EHMT1: variants seen among roughly 807,000 people sequenced by gnomAD.
EHMT1 encodes histone-lysine N-methyltransferase EHMT1.
Under a neutral mutation model 147.2 loss-of-function variants are expected in EHMT1, and 15 were observed. That is an observed-to-expected ratio of 0.10 (90% CI 0.07 to 0.16). The LOEUF (loss-of-function observed/expected upper bound fraction) is 0.16, where lower values mean the gene tolerates loss of function less well. Ranked by LOEUF, EHMT1 falls within the 10% of genes least tolerant of loss-of-function variation. The pLI, the probability that EHMT1 is intolerant of heterozygous loss-of-function variation, is 1.00. For synonymous variants in EHMT1, 795 were observed against 709.6 expected, an observed-to-expected ratio of 1.12 and a Z score of -1.91; for missense variants, 1,587 against 1,772.4, an observed-to-expected ratio of 0.90 and a Z score of 1.88.
chr9:137,641,603 C>T (rs1844491212), intron 1 of EHMT1: 2 of 277,442 alleles, frequency 7.2e-6, no homozygotes, highest in East Asian at 1.2e-4. Flanking sequence ...GCTTGCCGCT[C>T]ACTTGCTAAG....
At chr9:137,679,008 CA>C (rs1172859983) in intron 1 of EHMT1, among the ~76,000 whole-genome samples, 1 of 152,120 alleles carries the variant, frequency 6.6e-6, no homozygotes, top group Non-Finnish European at 1.5e-5. Context: ...GGCTGGAGTG[CA>C]ATGGCGCGAT....
chr9:137,630,455 C>T (rs1843555544), intron 1 of EHMT1, among the ~76,000 whole-genome samples: 1 of 152,020 alleles, frequency 6.6e-6, no homozygotes, highest in African/African-American at 2.4e-5. Flanking sequence ...AACACATAGT[C>T]TAGGTCTTAA....
chr9:137,822,873 A>G lies in EHMT1; in HGVS notation c.3540+4735A>G, dbSNP rs113478309. On this transcript the variant is annotated intron_variant, in intron 25 of 26. Transcript: ENST00000460843. ...ATGCCATTGCACTGTAGGCCTGGGC[A>G]ACAAGAGCAAAACTTCATCTCGAAA... Among the ~76,000 whole-genome samples the G allele has an allele frequency of 7.2e-3, 1,085 of 151,566 alleles. 11 individuals are homozygous for G. The highest frequency in any genetic ancestry group is 9.1e-3 in the Non-Finnish European group (618 of 67,918).
chr9:137,823,877 T>C (rs1006108923), intron 25 of EHMT1, among the ~76,000 whole-genome samples: 3 of 152,258 alleles, frequency 2.0e-5, no homozygotes, highest in African/African-American at 7.2e-5. Context: ...GTTTTTTAAT[T>C]GGCTGCTTGT....
At chr9:137,799,770 T>C (rs1953293274) in intron 17 of EHMT1, among the ~76,000 whole-genome samples, 1 of 152,214 alleles carries the variant, frequency 6.6e-6, no homozygotes, top group South Asian at 2.1e-4. Flanking sequence ...AGCGTCCCCA[T>C]GGGCTGGAAG....
intron 25 of EHMT1, among the ~76,000 whole-genome samples, chr9:137,827,469 C>T (rs1955886912): frequency 6.6e-6 from 1 of 152,228 alleles, no homozygotes; most frequent in South Asian, 2.1e-4. Flanking sequence ...GACCCCTGTC[C>T]ACCTGAGCGC....
intron 10 of EHMT1, chr9:137,763,989 C>G (rs919618881): frequency 4.6e-5 from 7 of 152,606 alleles, no homozygotes; most frequent in African/African-American, 1.7e-4. Context: ...GTTGGCGTGG[C>G]CGGGGTTTCT....
rs374867415 is a variant in EHMT1, at chr9:137,798,830, G to A, written c.2523G>A (p.Thr841=). ...LVDPKDAEGS[T]CLHLAAKKGH... ...TGTTGCAGGACGCAGAGGGCTCTAC[G>A]TGTTTGCACCTGGCTGCCAAGAAAG... Residue 841 remains threonine, a synonymous_variant, in exon 17 of 27, where the codon ACG becomes ACA. Coordinates refer to ENST00000460843, the MANE Select transcript of EHMT1 (RefSeq NM_024757.5). 2.0e-5 allele frequency: 32 copies of A among 1,614,040 alleles called. No individual in the cohort carries two copies. The African/African-American group carries it at 3.1e-4, about 15-fold the overall frequency.
intron 1 of EHMT1, among the ~76,000 whole-genome samples, chr9:137,673,217 A>T (rs2134325799): frequency 6.6e-6 from 1 of 152,142 alleles, no homozygotes; most frequent in East Asian, 1.9e-4. Flanking sequence ...AGCACCCCTT[A>T]CTTGTGTGCT....
At chr9:137,714,725 T>A (rs949937756) in intron 2 of EHMT1, among the ~76,000 whole-genome samples, 2 of 151,962 alleles carry the variant, frequency 1.3e-5, no homozygotes, top group Admixed American at 6.6e-5. Context: ...GCTAATTTTT[T>A]AATTTTTGGT....
At chr9:137,633,455 T>TATA (rs1298107850) in intron 1 of EHMT1, among the ~76,000 whole-genome samples, 1 of 152,224 alleles carries the variant, frequency 6.6e-6, no homozygotes, top group Admixed American at 6.5e-5. Flanking sequence ...GTTAAGTGCT[T>TATA]ACTGTGACAC....
At chr9:137,698,582 T>G (rs1042118309) in intron 1 of EHMT1, among the ~76,000 whole-genome samples, 11 of 152,154 alleles carry the variant, frequency 7.2e-5, no homozygotes, top group Non-Finnish European at 5.9e-5. Flanking sequence ...AGGGCCCAGA[T>G]GCAGATGGGC....
chr9:137,737,975 C>T (rs1947691795), intron 4 of EHMT1, among the ~76,000 whole-genome samples: 1 of 152,198 alleles, frequency 6.6e-6, no homozygotes, highest in African/African-American at 2.4e-5. Flanking sequence ...AGGCAGATCA[C>T]CTGAGGTCAG....
At chr9:137,772,186 C>T (rs1202668510) in intron 10 of EHMT1, among the ~76,000 whole-genome samples, 3 of 152,086 alleles carry the variant, frequency 2.0e-5, no homozygotes, top group Non-Finnish European at 2.9e-5. Flanking sequence ...CATTTTACCC[C>T]TAGGTACTTT....
chr9:137,638,359 C>G (rs745481885), intron 1 of EHMT1: 1 of 152,158 alleles, frequency 6.6e-6, no homozygotes, highest in Non-Finnish European at 1.5e-5. Context: ...ATCCACCCAC[C>G]TCAGCCTCCC....
chr9:137,760,885 G>A (rs1949757154), intron 9 of EHMT1, among the ~76,000 whole-genome samples: 1 of 152,230 alleles, frequency 6.6e-6, no homozygotes, highest in East Asian at 1.9e-4. Flanking sequence ...GCGGGCGCCT[G>A]TAGTCCCAGC....
chr9:137,785,980 C>G (rs1588700092), intron 15 of EHMT1: 2 of 152,410 alleles, frequency 1.3e-5, no homozygotes, highest in African/African-American at 4.8e-5. Context: ...GTCAGGAAAA[C>G]AAGGGAGTGT....
chr9:137,635,195 CTATTT>C (rs770927779), intron 1 of EHMT1, among the ~76,000 whole-genome samples: 13 of 151,542 alleles, frequency 8.6e-5, no homozygotes, highest in Non-Finnish European at 1.9e-4. Context: ...TTTAGGTCTT[CTATTT>C]TATTTTATTT....
chr9:137,747,938 T>G (rs1478193764), intron 6 of EHMT1: 1 of 152,002 alleles, frequency 6.6e-6, no homozygotes, highest in African/African-American at 2.4e-5. Context: ...TTGATTTCGT[T>G]CTTTCTATAA....
Sources: allele counts gnomAD v4.1 joint callset (sites outside exome capture counted in the v4.1 genomes callset), GRCh38; gene constraint gnomAD v4.1.1; transcripts MANE v1.5; gene names NCBI Gene and HGNC (gene_info 2026-07-23, HGNC 2026-07-21).